DNAH14: variants seen among roughly 807,000 people sequenced by gnomAD.
The protein encoded by DNAH14 is dynein axonemal heavy chain 14.
DNAH14 carries 478 observed loss-of-function variants against 520.9 expected under a neutral mutation model. The observed-to-expected ratio is 0.92, with a 90% CI of 0.85 to 0.99. DNAH14 has a LOEUF of 0.99. Among genes scored for constraint, DNAH14 ranks in the 50% least tolerant of loss-of-function variants. The pLI is 0.00. For missense variants in DNAH14, 4,831 were observed against 5,234.5 expected, an observed-to-expected ratio of 0.92 and a Z score of 2.38; for synonymous variants, 1,581 against 1,757.2, an observed-to-expected ratio of 0.90 and a Z score of 2.51.
intron 1 of DNAH14, among the ~76,000 whole-genome samples, chr1:224,945,912 T>A (rs1247389817): frequency 6.6e-6 from 1 of 152,300 alleles, no homozygotes; most frequent in Non-Finnish European, 1.5e-5. Flanking sequence ...TGGGGCTGCC[T>A]CCCAGTTAGG....
At chr1:225,250,705 T>C (rs901812425) in intron 43 of DNAH14, 3 of 547,050 alleles carry the variant, frequency 5.5e-6, no homozygotes, top group South Asian at 2.7e-5. Flanking sequence ...AGGGGAACTG[T>C]GGGCAAGTAC....
rs533418321 is a variant in DNAH14 at position 225,169,995 on chromosome 1, C to T, written c.5535+1967C>T. Among the ~76,000 whole-genome samples the T allele has an allele frequency of 2.3e-3, 344 of 152,240 alleles. 2 individuals carry two copies. Among genetic ancestry groups the T allele is most frequent in the Non-Finnish European group, 3.0e-3 (205 of 68,006 alleles). On this transcript the variant is annotated intron_variant, in intron 36 of 85. Coordinates refer to ENST00000682510, the MANE Select transcript of DNAH14 (RefSeq NM_001367479.1). ...TTCCTAAAGAAAAGAATTTTCAACCCAGAATTTCATATCCAGCCAAACTAA... is the reference window on the plus strand; with the variant it reads ...TTCCTAAAGAAAAGAATTTTCAACCTAGAATTTCATATCCAGCCAAACTAA...
chr1:225,193,027 A>T (rs2085649924), intron 38 of DNAH14, 116 bp downstream of exon 38: 1 of 801,188 alleles, frequency 1.2e-6, no homozygotes, highest in Admixed American at 3.5e-5. Context: ...AGTAAATTTT[A>T]AAATCTTATG....
intron 81 of DNAH14, 140 bp from the exon 82 acceptor site, chr1:225,388,239 C>G (rs1029505141): frequency 1.9e-5 from 10 of 520,594 alleles, no homozygotes; most frequent in Middle Eastern, 5.2e-4. Flanking sequence ...TCATTATATG[C>G]TTTCAGTTGG....
At position 225,335,389 on chromosome 1, in the gene DNAH14, A is replaced by G. The variant is rs1175581683; in HGVS notation, c.10081-1877A>G. 5.7e-5 allele frequency among the ~76,000 whole-genome samples: 6 copies of G among 104,930 alleles called. 1 individual carries two copies. Among genetic ancestry groups the G allele is most frequent in the Admixed American group, 1.9e-4 (2 of 10,452 alleles). The allele number at this position is 104,930 out of a possible 152,430, so 68.8% of individuals were successfully genotyped here. A position where few individuals can be genotyped will look rare whatever the true frequency, so the allele number is the denominator to read the frequency against. On this transcript the variant is annotated intron_variant, in intron 66 of 85. Coordinates refer to ENST00000682510, the MANE Select transcript of DNAH14 (RefSeq NM_001367479.1). ...TGTACATGTGTGTGTATATGCACAT[A>G]TACACATGTGTACATGTGTGTGTAT...
chr1:225,268,924 A>T (rs1431654484), intron 49 of DNAH14, among the ~76,000 whole-genome samples: 1 of 152,254 alleles, frequency 6.6e-6, no homozygotes, highest in Admixed American at 6.5e-5. Context: ...TATAGATTCA[A>T]TGCCATCCCC....
intron 41 of DNAH14, among the ~76,000 whole-genome samples, chr1:225,213,872 C>T (rs1574036495): frequency 6.6e-6 from 1 of 152,152 alleles, no homozygotes; most frequent in Admixed American, 6.5e-5. Context: ...ATTTGACTTC[C>T]TCTTTTCCTA....
At chr1:224,937,576 C>T (rs1320917401) in intron 1 of DNAH14, among the ~76,000 whole-genome samples, 1 of 151,874 alleles carries the variant, frequency 6.6e-6, no homozygotes, top group Admixed American at 6.6e-5. Flanking sequence ...ATATATATTC[C>T]ATGCTCATGG....
At chr1:225,049,421 G>A (rs2068289440) in intron 15 of DNAH14, among the ~76,000 whole-genome samples, 1 of 151,898 alleles carries the variant, frequency 6.6e-6, no homozygotes, top group Non-Finnish European at 1.5e-5. Context: ...AGGTCTTTAT[G>A]CATACTCTGA....
At chr1:224,978,669 C>T (rs2062036014) in intron 8 of DNAH14, among the ~76,000 whole-genome samples, 1 of 152,172 alleles carries the variant, frequency 6.6e-6, no homozygotes, top group Admixed American at 6.5e-5. Context: ...GAGACAGAGT[C>T]TCACTCTTGC....
chr1:224,934,531 A>G (rs2058903004), intron 1 of DNAH14, among the ~76,000 whole-genome samples: 1 of 151,944 alleles, frequency 6.6e-6, no homozygotes, highest in Non-Finnish European at 1.5e-5. Flanking sequence ...AGTCTTCATG[A>G]CATTTGGGAC....
Position 225,043,964 on chromosome 1 carries a change from T to C in DNAH14, c.1893T>C (p.Thr631=), listed in dbSNP as rs891880906. The change falls in exon 15 of 86, where the codon ACT becomes ACC. Residue 631 remains threonine (T), a synonymous_variant. Transcript: ENST00000682510. ...CAGTAAAAATTCAAAATATGTTGAC[T>C]AATATGGAAAAATGTATAAGTAAGT... is the stretch of plus-strand genomic sequence containing the variant. The part of the protein sequence containing the change: ...EFSVKIQNML[T]NMEKCITTIT... 1.3e-6 allele frequency: 2 copies of C among 1,499,586 alleles called. No homozygotes were observed. Among genetic ancestry groups the C allele is most frequent in the African/African-American group, 1.4e-5 (1 of 71,444 alleles). 92.9% of individuals were successfully genotyped at this position (1,499,586 alleles called of 1,614,324 possible). A position where few individuals can be genotyped will look rare whatever the true frequency, so the allele number is the denominator to read the frequency against.
In DNAH14 at chr1:225,002,857, G is replaced by A. The variant is rs775178326; in HGVS notation, c.905G>A (p.Cys302Tyr). ...TGTTTGGTTTATATAAGAGGACTTT[G>A]TGAAGATGCAATTAATCTCAAAAAT... ...QTCLVYIRGL[C>Y]EDAINLKNYN... The change falls in exon 9 of 86, where the codon TGT (cysteine) becomes TAT (tyrosine). Residue 302 changes from cysteine (C) to tyrosine (Y), a missense_variant. Coordinates refer to ENST00000682510, the MANE Select transcript of DNAH14 (RefSeq NM_001367479.1). 1.0e-5 allele frequency: 16 copies of A among 1,549,548 alleles called. No individual in the cohort carries two copies. The South Asian group carries it at 1.8e-4, about 17-fold the overall frequency.
chr1:225,036,087 A>G (rs1572613690), intron 11 of DNAH14, among the ~76,000 whole-genome samples: 1 of 152,126 alleles, frequency 6.6e-6, no homozygotes, highest in South Asian at 2.1e-4. Flanking sequence ...CTTCTGTCTG[A>G]GTTAGGTCAG....
chr1:225,139,144 TG>T (rs1244301672), intron 27 of DNAH14, among the ~76,000 whole-genome samples: 3 of 152,224 alleles, frequency 2.0e-5, no homozygotes, highest in Non-Finnish European at 1.5e-5. Context: ...GTTCTCCACT[TG>T]ACTGAATATT....
intron 36 of DNAH14, among the ~76,000 whole-genome samples, chr1:225,172,025 A>T (rs1490893136): frequency 6.6e-6 from 1 of 152,246 alleles, no homozygotes; most frequent in Non-Finnish European, 1.5e-5. Flanking sequence ...CCACATGATT[A>T]TCTCAATAGA....
intron 10 of DNAH14, among the ~76,000 whole-genome samples, chr1:225,017,453 C>G (rs1296467982): frequency 1.3e-5 from 2 of 152,220 alleles, no homozygotes; most frequent in African/African-American, 2.4e-5. Context: ...CCTGCTACCC[C>G]ACTGGAGCAC....
Position 225,346,533 on chromosome 1 carries a change from T to C in DNAH14, c.11175T>C (p.Asn3725=). 2.6e-6 allele frequency: 4 copies of C among 1,551,372 alleles called. No homozygotes were observed. Among genetic ancestry groups the C allele is most frequent in the Non-Finnish European group, 3.5e-6 (4 of 1,146,828 alleles). Reference sequence around the variant, plus strand: ...TTTGCACTGTAATCATGCAAAACAATGCTAATGGAAATCTAATACAGGATG... The same window carrying C: ...TTTGCACTGTAATCATGCAAAACAACGCTAATGGAAATCTAATACAGGATG... ...FRLCTVIMQN[N]ANGNLIQDDI... Residue 3725 remains asparagine (N), a synonymous_variant, in exon 71 of 86, where the codon AAT becomes AAC. Transcript: ENST00000682510.
At chr1:225,150,220 A>G (rs907688323) in intron 31 of DNAH14, among the ~76,000 whole-genome samples, 1 of 152,248 alleles carries the variant, frequency 6.6e-6, no homozygotes, top group African/African-American at 2.4e-5. Flanking sequence ...ATATTGAACC[A>G]ACCTTGCACC....
Sources: allele counts gnomAD v4.1 joint callset (sites outside exome capture counted in the v4.1 genomes callset), GRCh38; gene constraint gnomAD v4.1.1; transcripts MANE v1.5; gene names NCBI Gene and HGNC (gene_info 2026-07-23, HGNC 2026-07-21).